The following BABAM2 variants were observed in gnomAD, a reference collection of about 807,000 sequenced individuals.
BABAM2 encodes the protein BRISC and BRCA1-A complex member 2.
BABAM2 carries 31 observed loss-of-function variants against 54.7 expected under a neutral mutation model. The observed-to-expected ratio is 0.57, with a 90% CI of 0.43 to 0.77. The LOEUF (loss-of-function observed/expected upper bound fraction) is 0.77. Ranked by LOEUF, BABAM2 falls within the 30% of genes least tolerant of loss-of-function variation. The pLI is 0.00. For missense variants in BABAM2, 364 were observed against 455.8 expected (o/e 0.80, Z 1.83); for synonymous variants, 167 against 162.9 (o/e 1.03, Z -0.19).
intron 7 of BABAM2, among the ~76,000 whole-genome samples, chr2:28,177,435 A>G (rs1056104084): frequency 6.6e-6 from 1 of 152,118 alleles, no homozygotes; most frequent in South Asian, 2.1e-4. Flanking sequence ...GTGAAAGGAC[A>G]ATATCTATCA....
intron 9 of BABAM2, 99 bp downstream of exon 9, chr2:28,241,492 C>A: frequency 3.7e-6 from 4 of 1,086,874 alleles, no homozygotes; most frequent in Non-Finnish European, 5.5e-6. Context: ...TTAGTTCTTA[C>A]ACATGATACC....
chr2:28,004,373 T>C (rs752004719), intron 4 of BABAM2, among the ~76,000 whole-genome samples: 26 of 152,160 alleles, frequency 1.7e-4, no homozygotes, highest in Non-Finnish European at 4.4e-5. Flanking sequence ...GTTTTAAGAA[T>C]GTTTTTAAGT....
intron 7 of BABAM2, among the ~76,000 whole-genome samples, chr2:28,166,668 A>G (rs931797026): frequency 1.3e-5 from 2 of 152,090 alleles, no homozygotes; most frequent in African/African-American, 4.8e-5. Context: ...TGAGTCTTCT[A>G]CCTATGGCCA....
chr2:28,065,384 A>G (rs567811852), intron 6 of BABAM2, among the ~76,000 whole-genome samples: 1 of 152,300 alleles, frequency 6.6e-6, no homozygotes, highest in East Asian at 1.9e-4. Context: ...GCAAATTATA[A>G]TGCCGTAAAG....
chr2:27,997,439 T>A (rs1673243047), intron 4 of BABAM2, among the ~76,000 whole-genome samples: 1 of 152,240 alleles, frequency 6.6e-6, no homozygotes, highest in Admixed American at 6.5e-5. Context: ...AAGTTGATGT[T>A]ATTTTTTAAA....
Position 28,220,744 on chromosome 2 carries a change from C to T in BABAM2, c.681-16458C>T, listed in dbSNP as rs551121731. Among the ~76,000 whole-genome samples the T allele has an allele frequency of 1.6e-3, 237 of 152,232 alleles. 1 individual carries two copies. The highest frequency in any genetic ancestry group is 2.6e-3 in the Admixed American group (40 of 15,304). On this transcript the variant is annotated intron_variant, in intron 7 of 11. Transcript: ENST00000379624. Reference sequence around the variant, plus strand: ...AGGAGTTTGAGACCAGCCTGGGCAACATAGGAAGACCTTGCTTCAACAAAA... The same window carrying T: ...AGGAGTTTGAGACCAGCCTGGGCAATATAGGAAGACCTTGCTTCAACAAAA...
chr2:28,054,025 A>G (rs140205675), intron 6 of BABAM2, among the ~76,000 whole-genome samples: 86 of 152,304 alleles, frequency 5.6e-4, no homozygotes, highest in African/African-American at 2.1e-3. Context: ...ATTTCTAAAA[A>G]CAAAAACAAA....
intron 2 of BABAM2, among the ~76,000 whole-genome samples, chr2:27,920,528 T>G (rs1667273904): frequency 6.6e-6 from 1 of 152,216 alleles, no homozygotes; most frequent in South Asian, 2.1e-4. Flanking sequence ...AGTAATTTAC[T>G]GTAATATGTG....
chr2:28,243,360 C>T (rs202202890), intron 9 of BABAM2, among the ~76,000 whole-genome samples: 4 of 151,978 alleles, frequency 2.6e-5, no homozygotes, highest in East Asian at 1.9e-4. Flanking sequence ...AGTGAAACCC[C>T]GTCTCTACTA....
At chr2:28,261,142 A>C (rs1220390777) in intron 10 of BABAM2, among the ~76,000 whole-genome samples, 1 of 151,818 alleles carries the variant, frequency 6.6e-6, no homozygotes, top group East Asian at 1.9e-4. Context: ...GGGTTTCACC[A>C]TAATGGTCAG....
In BABAM2 at chr2:28,322,375, C is replaced by G. The variant is rs1690092548; in HGVS notation, c.1089-16075C>G. Among the ~76,000 whole-genome samples, 1 of 152,222 alleles carries G rather than the reference C, an allele frequency of 6.6e-6. No homozygotes were observed. The highest frequency in any genetic ancestry group is 2.4e-5 in the African/African-American group (1 of 41,452). ...ACAGTTTATGTAAGATTGCTTCATT[C>G]CAGAGAGCAGAACTGGGATCCATGG... On this transcript the variant is annotated intron_variant, in intron 11 of 11. Coordinates refer to ENST00000379624, the MANE Select transcript of BABAM2 (RefSeq NM_199191.3). The surrounding 1 kb of genome is among the most constrained non-coding windows in gnomAD (Gnocchi z 4.1).
chr2:28,155,936 T>G (rs1157972088), intron 7 of BABAM2, among the ~76,000 whole-genome samples: 2 of 152,148 alleles, frequency 1.3e-5, no homozygotes, highest in Non-Finnish European at 2.9e-5. Context: ...TAACATGAGG[T>G]ACTTACATTT....
At chr2:28,267,642 C>T (rs897648300) in intron 10 of BABAM2, among the ~76,000 whole-genome samples, 12 of 152,218 alleles carry the variant, frequency 7.9e-5, no homozygotes, top group Non-Finnish European at 1.6e-4. Flanking sequence ...GGACCAGCTT[C>T]TCTGTCTAAT....
chr2:27,952,173 T>G (rs1347406584), intron 3 of BABAM2, among the ~76,000 whole-genome samples: 1 of 152,238 alleles, frequency 6.6e-6, no homozygotes, highest in Non-Finnish European at 1.5e-5. Flanking sequence ...TCTTTTCCAT[T>G]GTTTTATTTT....
chr2:27,902,769 T>C (rs1665887093), intron 2 of BABAM2, among the ~76,000 whole-genome samples: 5 of 152,208 alleles, frequency 3.3e-5, no homozygotes, highest in Admixed American at 3.3e-4. Flanking sequence ...ATTACAAATA[T>C]CTGCACAAAG....
intron 4 of BABAM2, among the ~76,000 whole-genome samples, chr2:28,014,669 T>G (rs1204919689): frequency 1.5e-5 from 1 of 66,414 alleles, no homozygotes; most frequent in Non-Finnish European, 2.5e-5. Context: ...ATGAAGCTGG[T>G]TTTTTTTTTT....
intron 7 of BABAM2, among the ~76,000 whole-genome samples, chr2:28,188,950 CA>C (rs1444616096): frequency 6.6e-6 from 1 of 152,118 alleles, no homozygotes; most frequent in East Asian, 1.9e-4. Context: ...CCTGTAATCC[CA>C]ACACTTTGGG....
At chr2:28,200,561 G>A (rs1362588601) in intron 7 of BABAM2, among the ~76,000 whole-genome samples, 1 of 152,200 alleles carries the variant, frequency 6.6e-6, no homozygotes. Flanking sequence ...GTTTGCTGGA[G>A]CAATTAATCG....
chr2:28,065,808 C>T (rs150263105), intron 6 of BABAM2, among the ~76,000 whole-genome samples: 204 of 151,870 alleles, frequency 1.3e-3, no homozygotes, highest in African/African-American at 4.6e-3. Flanking sequence ...CCTTCAGAGC[C>T]GTTCTTGGAA....
Sources: gnomAD v4.1 joint callset for allele counts (sites outside exome capture counted in the v4.1 genomes callset) on GRCh38, gnomAD v4.1.1 for gene constraint, Gnocchi (gnomAD v3.1) non-coding constraint, MANE v1.5 for transcripts, NCBI Gene and HGNC (gene_info 2026-07-23, HGNC 2026-07-21) for gene names.